Variants in KHDRBS2 observed in about 807,000 individuals in gnomAD.
KHDRBS2 encodes KH domain-containing, RNA-binding, signal transduction-associated protein 2.
KHDRBS2 carries 26 observed loss-of-function variants against 44.3 expected under a neutral mutation model. That is an observed-to-expected ratio of 0.59 (90% confidence interval 0.43 to 0.81). The LOEUF (loss-of-function observed/expected upper bound fraction) is 0.81, where lower values mean the gene tolerates loss of function less well. KHDRBS2 is among the 40% of genes least tolerant of loss of function. KHDRBS2 has a pLI of 0.00. For synonymous variants in KHDRBS2, 194 were observed against 151.1 expected, an observed-to-expected ratio of 1.28 and a Z score of -2.08; for missense variants, 476 against 433.1, an observed-to-expected ratio of 1.10 and a Z score of -0.88.
At chr6:61,584,868 T>A in the KHDRBS2 span, among the ~76,000 whole-genome samples, 2 of 151,364 alleles carry the variant, frequency 1.3e-5, no homozygotes, top group African/African-American at 4.8e-5. Flanking sequence ...AACAAAAAAA[T>A]TTTAAAGCGT....
At chr6:62,168,180 G>A (rs1264127721) in intron 2 of KHDRBS2, among the ~76,000 whole-genome samples, 1 of 152,146 alleles carries the variant, frequency 6.6e-6, no homozygotes, top group Non-Finnish European at 1.5e-5. Flanking sequence ...AACCAGCACA[G>A]GGGAATGTGG....
chr6:61,743,836 G>A (rs1280802395), intron 6 of KHDRBS2, among the ~76,000 whole-genome samples: 2 of 137,338 alleles, frequency 1.5e-5, no homozygotes, highest in African/African-American at 5.6e-5. Context: ...GTGTCCATGT[G>A]TTCTCATTGT....
intron 2 of KHDRBS2, among the ~76,000 whole-genome samples, chr6:62,079,733 G>A (rs1797035469): frequency 6.6e-6 from 1 of 151,968 alleles, no homozygotes; most frequent in Admixed American, 6.6e-5. Context: ...AATATTAATT[G>A]TATTCCTAAT....
chr6:61,659,784 C>T, the KHDRBS2 span, among the ~76,000 whole-genome samples: 2 of 151,716 alleles, frequency 1.3e-5, no homozygotes, highest in East Asian at 3.9e-4. Flanking sequence ...GATAGCATAA[C>T]CATCTTCTGG....
At chr6:62,133,920 G>A (rs1276943367) in intron 2 of KHDRBS2, among the ~76,000 whole-genome samples, 1 of 152,206 alleles carries the variant, frequency 6.6e-6, no homozygotes, top group African/African-American at 2.4e-5. Flanking sequence ...AAGCATTCAA[G>A]AGGTGACTTG....
At chr6:62,219,995 G>A (rs1830633124) in intron 1 of KHDRBS2, among the ~76,000 whole-genome samples, 3 of 148,902 alleles carry the variant, frequency 2.0e-5, no homozygotes, top group Admixed American at 6.7e-5. Context: ...TATATATTCT[G>A]TATGTTTGAA....
chr6:61,663,201 G>C, the KHDRBS2 span, among the ~76,000 whole-genome samples: 2 of 133,024 alleles, frequency 1.5e-5, no homozygotes, highest in Non-Finnish European at 3.1e-5. Context: ...ATTGAACAAG[G>C]AGAACACCTG....
chr6:62,036,696 T>C (rs1584289980), intron 3 of KHDRBS2, among the ~76,000 whole-genome samples: 1 of 152,056 alleles, frequency 6.6e-6, no homozygotes, highest in East Asian at 1.9e-4. Context: ...AGCAAGCTGA[T>C]TTCATAAAAT....
At chr6:61,822,326 A>C (rs1340796667) in intron 6 of KHDRBS2, among the ~76,000 whole-genome samples, 1 of 152,000 alleles carries the variant, frequency 6.6e-6, no homozygotes, top group Non-Finnish European at 1.5e-5. Flanking sequence ...AAGAAGACTG[A>C]ACACTCTAAC....
At chr6:61,561,970 C>T in the KHDRBS2 span, among the ~76,000 whole-genome samples, 1 of 152,246 alleles carries the variant, frequency 6.6e-6, no homozygotes, top group African/African-American at 2.4e-5. Flanking sequence ...TTCTTGGCTG[C>T]TTCACATATG....
At chr6:62,048,117 A>AACAT (rs1788119005) in intron 2 of KHDRBS2, 123 bp from the exon 3 acceptor site, 5 of 523,686 alleles carry the variant, frequency 9.5e-6, no homozygotes, top group Middle Eastern at 4.0e-4. Flanking sequence ...TCATGCCATA[A>AACAT]ACATACACAC....
chr6:62,006,414 A>C (rs1779237233), intron 3 of KHDRBS2, among the ~76,000 whole-genome samples: 1 of 152,058 alleles, frequency 6.6e-6, no homozygotes, highest in Non-Finnish European at 1.5e-5. Flanking sequence ...ATTGCTAAAA[A>C]AGTATTTCAA....
Position 61,939,377 on chromosome 6 carries a change from A to G in KHDRBS2, c.484-38006T>C, listed in dbSNP as rs1811688652. On this transcript the variant is annotated intron_variant, in intron 4 of 8. Coordinates refer to ENST00000281156, the MANE Select transcript of KHDRBS2 (RefSeq NM_152688.4). ...TACTCTTATTTCAAATTCGAAATTA[A>G]TTATTTTTATGGTTATTTTTAATTT... is the stretch of plus-strand genomic sequence containing the variant. 2.0e-5 allele frequency among the ~76,000 whole-genome samples: 3 copies of G among 152,284 alleles called. No homozygotes were observed. The East Asian group carries it at 5.8e-4, about 29-fold the overall frequency.
intron 1 of KHDRBS2, among the ~76,000 whole-genome samples, chr6:62,214,800 A>G (rs566010792): frequency 5.3e-5 from 8 of 152,052 alleles, no homozygotes; most frequent in African/African-American, 1.9e-4. Context: ...CGTCTCACAT[A>G]TGCTTTTCTT....
At chr6:61,662,196 T>C in the KHDRBS2 span, among the ~76,000 whole-genome samples, 3,537 of 152,220 alleles carry the variant, frequency 0.023, 64 homozygotes, top group East Asian at 0.051. Context: ...TCTAGCCATA[T>C]GTAGAAAGCT....
the KHDRBS2 span, among the ~76,000 whole-genome samples, chr6:61,571,249 C>A: frequency 1.0e-3 from 154 of 151,860 alleles, no homozygotes; most frequent in Non-Finnish European, 1.7e-3. Context: ...AAATGGAAAC[C>A]TAAAGCATGC....
intron 4 of KHDRBS2, among the ~76,000 whole-genome samples, chr6:61,922,179 C>A (rs879720516): frequency 6.6e-6 from 1 of 151,974 alleles, no homozygotes; most frequent in Non-Finnish European, 1.5e-5. Context: ...CCACATTTAT[C>A]TTCCCCTCTG....
intron 7 of KHDRBS2, among the ~76,000 whole-genome samples, chr6:61,697,520 A>T (rs1334636365): frequency 6.6e-6 from 1 of 152,102 alleles, no homozygotes; most frequent in Non-Finnish European, 1.5e-5. Context: ...CAAGTATAAC[A>T]CTTCAAAATC....
chr6:62,225,615 C>A (rs1831641854), intron 1 of KHDRBS2, among the ~76,000 whole-genome samples: 1 of 152,136 alleles, frequency 6.6e-6, no homozygotes, highest in African/African-American at 2.4e-5. Flanking sequence ...TGGCTTGCTG[C>A]ACCTACCAAC....
Sources: gnomAD v4.1 joint callset for allele counts (sites outside exome capture counted in the v4.1 genomes callset) on GRCh38, gnomAD v4.1.1 for gene constraint, MANE v1.5 for transcripts, NCBI Gene and HGNC (gene_info 2026-07-23, HGNC 2026-07-21) for gene names.